Variants in PDE7B observed in about 807,000 individuals in gnomAD.
PDE7B encodes the protein 3',5'-cyclic-AMP phosphodiesterase 7B.
Under a neutral mutation model 56.2 loss-of-function variants are expected in PDE7B, and 29 were observed. The ratio of observed to expected loss-of-function variants is 0.52; its 90% CI spans 0.38 to 0.70. The LOEUF (loss-of-function observed/expected upper bound fraction) is 0.70, where lower values mean the gene tolerates loss of function less well. Ranked by LOEUF, PDE7B falls within the 30% of genes least tolerant of loss-of-function variation. PDE7B has a pLI of 0.00. For missense variants in PDE7B, 490 were observed against 565.0 expected (o/e 0.87, Z 1.35); for synonymous variants, 197 against 196.9 (o/e 1.00, Z 0.00).
chr6:136,119,319 G>A (rs761605469), intron 3 of PDE7B, among the ~76,000 whole-genome samples: 1 of 152,030 alleles, frequency 6.6e-6, no homozygotes, highest in Non-Finnish European at 1.5e-5. Context: ...GATGATTATT[G>A]TTCTTCTGGT....
intron 2 of PDE7B, among the ~76,000 whole-genome samples, chr6:136,098,900 T>A (rs1777515209): frequency 6.6e-6 from 1 of 152,138 alleles, no homozygotes; most frequent in Admixed American, 6.5e-5. Flanking sequence ...ACATTAGGTA[T>A]TTCTCCTAAC....
intron 11 of PDE7B, among the ~76,000 whole-genome samples, chr6:136,182,480 C>A (rs535526457): frequency 6.6e-5 from 10 of 152,122 alleles, no homozygotes; most frequent in Non-Finnish European, 1.2e-4. Flanking sequence ...ATTGAAATAG[C>A]ATAGTGAGAG....
intron 2 of PDE7B, among the ~76,000 whole-genome samples, chr6:136,060,734 G>A (rs1003566768): frequency 6.6e-6 from 1 of 152,142 alleles, no homozygotes; most frequent in Admixed American, 6.5e-5. Flanking sequence ...AGAAGGCTTT[G>A]TACAGTATCT....
At chr6:136,109,084 C>A (rs1269226867) in intron 3 of PDE7B, among the ~76,000 whole-genome samples, 4 of 152,148 alleles carry the variant, frequency 2.6e-5, no homozygotes, top group African/African-American at 9.7e-5. Context: ...CATGGTGGCT[C>A]ACGCCTGTAA....
At chr6:135,878,411 A>T (rs1018294037) in intron 1 of PDE7B, among the ~76,000 whole-genome samples, 1 of 152,216 alleles carries the variant, frequency 6.6e-6, no homozygotes, top group Admixed American at 6.5e-5. Flanking sequence ...ATGCCATCAC[A>T]ACTTGCCTTA....
At chr6:136,136,583 CAGAA>C (rs1297753604) in intron 3 of PDE7B, among the ~76,000 whole-genome samples, 1 of 151,916 alleles carries the variant, frequency 6.6e-6, no homozygotes, top group Non-Finnish European at 1.5e-5. Flanking sequence ...TTCTTTGTAA[CAGAA>C]AGGATGAATG....
At chr6:136,152,278 G>T (rs1778533640) in intron 6 of PDE7B, among the ~76,000 whole-genome samples, 1 of 152,200 alleles carries the variant, frequency 6.6e-6, no homozygotes, top group African/African-American at 2.4e-5. Flanking sequence ...CCAGCAGCAT[G>T]CGCCTCAAAT....
chr6:135,928,471 A>ATATATATATTTATTTATATATATATT (rs1562442857), intron 1 of PDE7B, among the ~76,000 whole-genome samples: 3 of 67,970 alleles, frequency 4.4e-5, no homozygotes, highest in African/African-American at 1.7e-4. Context: ...ATATTTATTT[A>ATATATATATTTATTTATATATATATT]TATATATATA....
chr6:135,946,385 T>A (rs1774595934), intron 1 of PDE7B, among the ~76,000 whole-genome samples: 1 of 152,020 alleles, frequency 6.6e-6, no homozygotes, highest in Non-Finnish European at 1.5e-5. Flanking sequence ...TACCAAGACA[T>A]TAAAGTTGTA....
At chr6:136,053,140 C>T (rs1035078586) in intron 2 of PDE7B, among the ~76,000 whole-genome samples, 1 of 151,846 alleles carries the variant, frequency 6.6e-6, no homozygotes, top group African/African-American at 2.4e-5. Context: ...ACATGTGCCA[C>T]GTTGGTGTGC....
intron 1 of PDE7B, among the ~76,000 whole-genome samples, chr6:135,874,461 TG>T (rs1212571193): frequency 6.6e-6 from 1 of 152,224 alleles, no homozygotes; most frequent in Admixed American, 6.5e-5. Context: ...TATTTTATAA[TG>T]TCTACAATTT....
chr6:135,852,125 T>G (rs1430612295), intron 1 of PDE7B, 106 bp downstream of exon 1: 1 of 817,314 alleles, frequency 1.2e-6, no homozygotes, highest in East Asian at 2.4e-5. Context: ...TATATATGTT[T>G]TTTGTCTGTG....
At chr6:135,923,680 G>T (rs1182395546) in intron 1 of PDE7B, among the ~76,000 whole-genome samples, 1 of 151,898 alleles carries the variant, frequency 6.6e-6, no homozygotes, top group Non-Finnish European at 1.5e-5. Flanking sequence ...GGAGTTTCAA[G>T]GTATAAAAGT....
At chr6:136,061,446 GT>G (rs1776838942) in intron 2 of PDE7B, among the ~76,000 whole-genome samples, 1 of 152,188 alleles carries the variant, frequency 6.6e-6, no homozygotes, top group Non-Finnish European at 1.5e-5. Flanking sequence ...GGGTGAAGAG[GT>G]CAAAGGACAA....
intron 2 of PDE7B, among the ~76,000 whole-genome samples, chr6:135,997,029 G>A (rs1483147156): frequency 1.3e-5 from 2 of 151,956 alleles, no homozygotes; most frequent in Non-Finnish European, 2.9e-5. Flanking sequence ...GCCCAGTCCC[G>A]ATGGAAGCTG....
chr6:135,970,812 T>G (rs1339944436), intron 2 of PDE7B, among the ~76,000 whole-genome samples: 1 of 152,122 alleles, frequency 6.6e-6, no homozygotes, highest in Non-Finnish European at 1.5e-5. Flanking sequence ...GAGACTGTAG[T>G]GGGGCAGCGA....
intron 2 of PDE7B, among the ~76,000 whole-genome samples, chr6:136,059,883 T>C (rs78990215): frequency 6.6e-6 from 1 of 152,160 alleles, no homozygotes; most frequent in Non-Finnish European, 1.5e-5. Context: ...TTATAGGAAG[T>C]ATTTGCCATA....
intron 2 of PDE7B, among the ~76,000 whole-genome samples, chr6:136,029,388 G>T (rs1369154058): frequency 1.3e-5 from 2 of 152,102 alleles, no homozygotes; most frequent in East Asian, 3.9e-4. Context: ...TAATTGAGAC[G>T]CACAAACATA....
chr6:135,997,134 C>A (rs2128205746), intron 2 of PDE7B, among the ~76,000 whole-genome samples: 1 of 151,928 alleles, frequency 6.6e-6, no homozygotes, highest in Middle Eastern at 3.4e-3. Context: ...TTTCAAGAAG[C>A]AGGCTGGGCA....
Sources: gnomAD v4.1 joint callset for allele counts (sites outside exome capture counted in the v4.1 genomes callset) on GRCh38, gnomAD v4.1.1 for gene constraint, MANE v1.5 for transcripts, NCBI Gene and HGNC (gene_info 2026-07-23, HGNC 2026-07-21) for gene names.